The following AKR1C8 variants were observed in gnomAD, a reference collection of about 807,000 sequenced individuals.
AKR1C8 encodes the protein aldo-keto reductase family 1 member C8, also known as aldo-keto reductase family 1 member C-like protein 1.
At chr10:5,117,885 C>T in the AKR1C8 span, among the ~76,000 whole-genome samples, 1 of 151,518 alleles carries the variant, frequency 6.6e-6, no homozygotes, top group African/African-American at 2.4e-5. Flanking sequence ...AGAGATCTGC[C>T]CCCATGACCA....
At chr10:5,159,802 C>T in the AKR1C8 span, 2 of 469,582 alleles carry the variant, frequency 4.3e-6, no homozygotes, top group African/African-American at 2.0e-5. Context: ...AGACATCAAG[C>T]AGAAACTTGG....
At chr10:5,181,235 T>C in the AKR1C8 span, among the ~76,000 whole-genome samples, 1 of 152,242 alleles carries the variant, frequency 6.6e-6, no homozygotes, top group Non-Finnish European at 1.5e-5. Flanking sequence ...TTGGTTAAGA[T>C]TAAATAGAAT....
chr10:5,154,374 T>A, the AKR1C8 span: 7 of 243,832 alleles, frequency 2.9e-5, no homozygotes, highest in Non-Finnish European at 5.3e-5. Flanking sequence ...AACACAATTA[T>A]GACTTATTTA....
chr10:5,117,557 ACTGT>A, the AKR1C8 span, among the ~76,000 whole-genome samples: 2 of 152,102 alleles, frequency 1.3e-5, no homozygotes, highest in East Asian at 3.9e-4. Context: ...GAAATTAGAA[ACTGT>A]CTTAGTCCAT....
At chr10:5,132,498 C>A in the AKR1C8 span, 1 of 1,107,642 alleles carries the variant, frequency 9.0e-7, no homozygotes, top group Non-Finnish European at 1.2e-6. Flanking sequence ...TAAATTGGAA[C>A]CAATAAGCAC....
At chr10:5,159,556 C>G in the AKR1C8 span, among the ~76,000 whole-genome samples, 1 of 152,116 alleles carries the variant, frequency 6.6e-6, no homozygotes, top group African/African-American at 2.4e-5. Flanking sequence ...GAGAACAAAT[C>G]CATGTCTGTG....
At chr10:5,158,026 C>A in the AKR1C8 span, among the ~76,000 whole-genome samples, 1 of 152,136 alleles carries the variant, frequency 6.6e-6, no homozygotes, top group Non-Finnish European at 1.5e-5. Context: ...GTTATCCATA[C>A]CCTGGAATAA....
At chr10:5,180,681 T>TG in the AKR1C8 span, among the ~76,000 whole-genome samples, 3 of 152,238 alleles carry the variant, frequency 2.0e-5, no homozygotes, top group Non-Finnish European at 2.9e-5. Flanking sequence ...TAAGCAAGCC[T>TG]GGGCAATGGC....
chr10:5,174,009 T>A, the AKR1C8 span, among the ~76,000 whole-genome samples: 1 of 151,814 alleles, frequency 6.6e-6, no homozygotes, highest in Non-Finnish European at 1.5e-5. Context: ...ACACAACAAA[T>A]TCCATTTTGA....
chr10:5,118,452 G>A, the AKR1C8 span, among the ~76,000 whole-genome samples: 1 of 151,366 alleles, frequency 6.6e-6, no homozygotes, highest in East Asian at 1.9e-4. Context: ...AAACAAGATA[G>A]GTCAGATAAT....
the AKR1C8 span, among the ~76,000 whole-genome samples, chr10:5,180,241 C>G: frequency 2.0e-5 from 3 of 152,332 alleles, no homozygotes; most frequent in East Asian, 3.9e-4. Flanking sequence ...GAGGTCCACT[C>G]CAGACCCTGT....
At chr10:5,176,029 GT>G in the AKR1C8 span, among the ~76,000 whole-genome samples, 2 of 151,886 alleles carry the variant, frequency 1.3e-5, no homozygotes, top group Non-Finnish European at 2.9e-5. Context: ...TGCTTTTGGT[GT>G]TTTAGACATG....
the AKR1C8 span, among the ~76,000 whole-genome samples, chr10:5,145,604 T>C: frequency 6.6e-6 from 1 of 152,166 alleles, no homozygotes; most frequent in Non-Finnish European, 1.5e-5. Context: ...AAAATGCTCA[T>C]CATCACTGGC....
chr10:5,115,820 T>C, the AKR1C8 span, among the ~76,000 whole-genome samples: 1 of 152,144 alleles, frequency 6.6e-6, no homozygotes, highest in East Asian at 1.9e-4. Context: ...ATGAAGATTT[T>C]TTTTAGTACA....
the AKR1C8 span, chr10:5,132,639 TC>T: frequency 2.5e-6 from 4 of 1,590,948 alleles, no homozygotes; most frequent in Admixed American, 3.4e-5. Context: ...CTTCACACTG[TC>T]ATCTGCAATC....
the AKR1C8 span, among the ~76,000 whole-genome samples, chr10:5,151,946 G>T: frequency 6.6e-6 from 1 of 152,272 alleles, no homozygotes; most frequent in East Asian, 1.9e-4. Context: ...CCTGCTGACA[G>T]GAGTCATAGT....
the AKR1C8 span, among the ~76,000 whole-genome samples, chr10:5,142,051 A>G: frequency 6.6e-6 from 1 of 152,134 alleles, no homozygotes; most frequent in African/African-American, 2.4e-5. Flanking sequence ...ATGATCTTAC[A>G]TAAATCTTCT....
chr10:5,167,532 G>C, the AKR1C8 span, among the ~76,000 whole-genome samples: 1 of 152,224 alleles, frequency 6.6e-6, no homozygotes, highest in Non-Finnish European at 1.5e-5. Context: ...ACTATCGCAA[G>C]GACAAAAAAC....
chr10:5,167,317 A>G, the AKR1C8 span, among the ~76,000 whole-genome samples: 4 of 152,218 alleles, frequency 2.6e-5, no homozygotes, highest in African/African-American at 7.2e-5. Context: ...TCATGCTGCT[A>G]TAAAGACACA....
Sources: allele counts gnomAD v4.1 joint callset (sites outside exome capture counted in the v4.1 genomes callset), GRCh38; gene constraint gnomAD v4.1.1; transcripts MANE v1.5; gene names NCBI Gene and HGNC (gene_info 2026-07-23, HGNC 2026-07-21).